The following MUS81 variants were observed in gnomAD, a reference collection of about 807,000 sequenced individuals.
MUS81 encodes the protein structure-specific endonuclease subunit MUS81.
MUS81 carries 69 observed loss-of-function variants against 74.2 expected under a neutral mutation model. The ratio of observed to expected loss-of-function variants is 0.93; its 90% confidence interval spans 0.77 to 1.14. The LOEUF is 1.14. MUS81 is among the 50% of genes most tolerant of loss of function. The pLI, the probability that MUS81 is intolerant of heterozygous loss-of-function variation, is 0.00. For missense variants in MUS81, 711 were observed against 726.5 expected, an observed-to-expected ratio of 0.98 and a Z score of 0.25; for synonymous variants, 303 against 300.6, an observed-to-expected ratio of 1.01 and a Z score of -0.08.
chr11:65,867,326 C>T (rs1859870567), downstream of MUS81: 11 of 572,666 alleles, frequency 1.9e-5, no homozygotes, highest in South Asian at 2.0e-4. Context: ...CTGACCCAGG[C>T]TAACTGACGA....
rs1441790632 is a variant in MUS81 at position 65,863,175 on chromosome 11, C to G, written c.716C>G (p.Thr239Arg). ...IGPKEPPGEE[T>R]AVPGAASAEL... ...CCCAAGGAGCCCCCTGGGGAGGAGA[C>G]AGCAGTGCCAGGAGCAGCTTCAGCA... Residue 239 changes from threonine to arginine, a missense_variant, in exon 7 of 16, where the codon ACA becomes AGA. Thr to Arg is a moderately conservative substitution (Grantham distance 71, BLOSUM62 -1). Transcript: ENST00000308110. 6.2e-7 allele frequency: 1 copy of G among 1,613,640 alleles called. No homozygotes were observed. Among genetic ancestry groups the G allele is most frequent in the Admixed American group, 1.7e-5 (1 of 59,996 alleles).
rs149199066 is a variant in MUS81, at chr11:65,863,732, G to A, written c.961+11G>A. Reference sequence around the variant, plus strand: ...ATCCTAGAGACCCAGGTGAAGGGCCGTGGACAGGCTGGCACCAGGGGCAGG... The same window carrying A: ...ATCCTAGAGACCCAGGTGAAGGGCCATGGACAGGCTGGCACCAGGGGCAGG... On this transcript the variant is annotated intron_variant, in intron 9 of 15. Coordinates refer to ENST00000308110, the MANE Select transcript of MUS81 (RefSeq NM_025128.5). The A allele has an allele frequency of 0.017, 27,982 of 1,614,048 alleles. 462 individuals are homozygous for A. Among genetic ancestry groups the A allele is most frequent in the Admixed American group, 0.077 (4,645 of 60,010 alleles).
rs777225623 is a variant in MUS81, at chr11:65,860,673, A to T, written c.-81A>T. 9.0e-5 allele frequency: 137 copies of T among 1,522,008 alleles called. No individual in the cohort carries two copies. The highest frequency in any genetic ancestry group is 1.2e-4 in the Non-Finnish European group (136 of 1,136,644). The allele number at this position is 1,522,008 out of a possible 1,614,324, so 94.3% of individuals were successfully genotyped here. A position where few individuals can be genotyped will look rare whatever the true frequency, so the allele number is the denominator to read the frequency against. ...CTCTTCCCCCGCCCCGCCCTGGGCC[A>T]GGTGTTCGAATCCCGACTCCAGAAC... On this transcript the variant is annotated 5_prime_UTR_variant, in exon 1 of 16. Transcript: ENST00000308110.
chr11:65,867,156 T>G, downstream of MUS81: 1 of 1,581,202 alleles, frequency 6.3e-7, no homozygotes, highest in Non-Finnish European at 8.6e-7. Context: ...GTCACCTCCC[T>G]GCCCCGTGGC....
rs375033966 is a variant in MUS81, at chr11:65,865,981, T to C, written c.1590-5T>C. ...GCGTGACCCTCGCTGCCTCTCTTCCTGCAGGAATCTGGGGCCTGCTCTGAG... is the reference window on the plus strand; with the variant it reads ...GCGTGACCCTCGCTGCCTCTCTTCCCGCAGGAATCTGGGGCCTGCTCTGAG... On this transcript the variant is annotated splice_region_variant and splice_polypyrimidine_tract_variant and intron_variant, in intron 15 of 15. Coordinates refer to ENST00000308110, the MANE Select transcript of MUS81 (RefSeq NM_025128.5). The C allele has an allele frequency of 6.2e-7, 1 of 1,613,882 alleles. No individual in the cohort carries two copies. The highest frequency in any genetic ancestry group is 8.5e-7 in the Non-Finnish European group (1 of 1,179,938).
rs766714208 is a variant in MUS81, at chr11:65,863,076, C to T, written c.617C>T (p.Thr206Ile). 6.2e-7 allele frequency: 1 copy of T among 1,614,058 alleles called. No homozygotes were observed. The highest frequency in any genetic ancestry group is 1.7e-5 in the Admixed American group (1 of 60,020). Residue 206 changes from threonine to isoleucine, a missense_variant, in exon 7 of 16, where the codon ACC becomes ATC. Thr to Ile is a moderately conservative substitution (Grantham distance 89). Transcript: ENST00000308110. ...RTHQPARYSLTPEGLELAQKL... is the reference protein window; with the variant it reads ...RTHQPARYSLIPEGLELAQKL... Reference sequence around the variant, plus strand: ...CCTCTGCCTCCCAGGTACTCATTGACCCCAGAGGGCCTGGAGCTGGCCCAG... The same window carrying T: ...CCTCTGCCTCCCAGGTACTCATTGATCCCAGAGGGCCTGGAGCTGGCCCAG...
At chr11:65,861,509 G>A (rs777268208) in intron 3 of MUS81, 74 bp downstream of exon 3, 8 of 1,316,366 alleles carry the variant, frequency 6.1e-6, no homozygotes. Flanking sequence ...GGGGGATTTG[G>A]CAAGCCTGAG....
chr11:65,866,948 G>A (rs1859859096), downstream of MUS81: 1 of 1,614,178 alleles, frequency 6.2e-7, no homozygotes, highest in Non-Finnish European at 8.5e-7. Context: ...CAAAGACGGT[G>A]AGCCTCAGTA....
rs781322332 is a variant in MUS81, at chr11:65,865,123, A to G, written c.1379A>G (p.Asn460Ser). 3 of 1,614,108 alleles carry G rather than the reference A, an allele frequency of 1.9e-6. No homozygotes were observed. Among genetic ancestry groups the G allele is most frequent in the East Asian group, 2.2e-5 (1 of 44,880 alleles). Residue 460 changes from asparagine to serine, a missense_variant, in exon 13 of 16, where the codon AAC (asparagine) becomes AGC (serine). By Grantham distance (46) the Asn-to-Ser change is conservative. Coordinates refer to ENST00000308110, the MANE Select transcript of MUS81 (RefSeq NM_025128.5). Reference protein sequence around the residue: ...LCSLLTFSDFNAGAIKNKAQS... With the variant: ...LCSLLTFSDFSAGAIKNKAQS... Reference sequence around the variant, plus strand: ...TCACTCCTCACCTTCAGTGACTTCAACGCAGGAGCCATCAAGAATAAGGTA... The same window carrying G: ...TCACTCCTCACCTTCAGTGACTTCAGCGCAGGAGCCATCAAGAATAAGGTA...
At position 65,861,396 on chromosome 11, in the gene MUS81, G is replaced by T. The variant is rs1859598395; in HGVS notation, c.312G>T (p.Pro104=). ...DSPSGENSPA[P]QGRLAEVQDS... ...CATCTGGAGAGAACAGTCCAGCCCCGCAGGGGCGACTTGCGGAAGTCCAGG... is the reference window on the plus strand; with the variant it reads ...CATCTGGAGAGAACAGTCCAGCCCCTCAGGGGCGACTTGCGGAAGTCCAGG... Residue 104 remains proline (P), a synonymous_variant, in exon 3 of 16, where the codon CCG becomes CCT. Coordinates refer to ENST00000308110, the MANE Select transcript of MUS81 (RefSeq NM_025128.5). 2 of 1,604,018 alleles carry T rather than the reference G, an allele frequency of 1.2e-6. No individual in the cohort carries two copies. Among genetic ancestry groups the T allele is most frequent in the South Asian group, 2.2e-5 (2 of 89,504 alleles).
intron 2 of MUS81, 109 bp downstream of exon 2, chr11:65,861,211 C>T (rs1240124897): frequency 3.8e-6 from 6 of 1,572,386 alleles, no homozygotes; most frequent in South Asian, 1.1e-5. Context: ...TCCCAGTTGC[C>T]GTTCGGCCTA....
At chr11:65,862,850 G>A (rs1470750871) in intron 6 of MUS81, among the ~76,000 whole-genome samples, 1 of 152,238 alleles carries the variant, frequency 6.6e-6, no homozygotes, top group African/African-American at 2.4e-5. Context: ...GAAGGAAATT[G>A]TCTGAGACAC....
intron 10 of MUS81, 175 bp downstream of exon 10, chr11:65,864,076 A>G: frequency 6.1e-6 from 4 of 652,876 alleles, no homozygotes; most frequent in Non-Finnish European, 1.1e-5. Flanking sequence ...CCAGGCGCAC[A>G]GTAGGAAGCC....
chr11:65,866,564 G>T, downstream of MUS81: 1 of 702,896 alleles, frequency 1.4e-6, no homozygotes, highest in South Asian at 1.5e-5. Context: ...TGTCCAGAGT[G>T]GAGTTTCTTA....
At chr11:65,861,326 A>G in intron 2 of MUS81, 24 bp from the exon 3 acceptor site, 1 of 1,572,626 alleles carries the variant, frequency 6.4e-7, no homozygotes, top group Admixed American at 1.8e-5. Context: ...TGGAGTGTGG[A>G]GTTAACTCTT....
chr11:65,864,980 C>T (rs771293366), intron 12 of MUS81, 37 bp from the exon 13 acceptor site: 54 of 1,608,684 alleles, frequency 3.4e-5, no homozygotes, highest in African/African-American at 6.7e-5. Context: ...GTTGTTCCTT[C>T]GAGCTCCAGC....
rs1393740307 is a variant in MUS81, at chr11:65,860,747, C to T, written c.-7C>T. Reference sequence around the variant, plus strand: ...CGTGGAGCGCCGGAGGACCCGCCCTCGGGCTCATGGCGGCCCCGGTCCGCC... The same window carrying T: ...CGTGGAGCGCCGGAGGACCCGCCCTTGGGCTCATGGCGGCCCCGGTCCGCC... On this transcript the variant is annotated 5_prime_UTR_variant, in exon 1 of 16. Coordinates refer to ENST00000308110, the MANE Select transcript of MUS81 (RefSeq NM_025128.5). The T allele has an allele frequency of 1.7e-5, 26 of 1,533,440 alleles. No individual in the cohort carries two copies. Among genetic ancestry groups the T allele is most frequent in the Non-Finnish European group, 2.3e-5 (26 of 1,145,560 alleles). 95.0% of individuals were successfully genotyped at this position (1,533,440 alleles called of 1,614,324 possible).
chr11:65,866,744 C>T (rs762945459), downstream of MUS81: 64 of 834,072 alleles, frequency 7.7e-5, no homozygotes, highest in South Asian at 8.7e-4. Flanking sequence ...TTTAGGTGAA[C>T]TTGGCCTGCC....
Position 65,862,250 on chromosome 11 carries a change from CTGCAGAGG to C in MUS81, c.493_500del (p.Gln165CysfsTer85). On this transcript the variant is annotated frameshift_variant, in exon 5 of 16. Transcript: ENST00000308110. LOFTEE classifies it high-confidence loss of function. Reference sequence around the variant, plus strand: ...CCACTTCTTAACCAAGGAGGAGCTGCTGCAGAGGTGTGCTCAGAAGTCCCCCAGGGTGA... The same window carrying C: ...CCACTTCTTAACCAAGGAGGAGCTGCTGTGCTCAGAAGTCCCCCAGGGTGA... 1 of 1,613,792 alleles carries C rather than the reference CTGCAGAGG, an allele frequency of 6.2e-7. No homozygotes were observed. The highest frequency in any genetic ancestry group is 8.5e-7 in the Non-Finnish European group (1 of 1,180,018).
Sources: gnomAD v4.1 joint callset for allele counts (sites outside exome capture counted in the v4.1 genomes callset) on GRCh38, gnomAD v4.1.1 for gene constraint, MANE v1.5 for transcripts, NCBI Gene and HGNC (gene_info 2026-07-23, HGNC 2026-07-21) for gene names.